Variants in SGSM1 observed in about 807,000 individuals in gnomAD.
The protein encoded by SGSM1 is small G protein signaling modulator 1.
Under a neutral mutation model 133.8 loss-of-function variants are expected in SGSM1, and 73 were observed. That is an observed-to-expected ratio of 0.55 (90% confidence interval 0.45 to 0.66). SGSM1 has a LOEUF of 0.66. Among genes scored for constraint, SGSM1 ranks in the 30% least tolerant of loss-of-function variants. The pLI is 0.00. For missense variants in SGSM1, 1,213 were observed against 1,448.1 expected, an observed-to-expected ratio of 0.84 and a Z score of 2.64; for synonymous variants, 563 against 573.0, an observed-to-expected ratio of 0.98 and a Z score of 0.25.
chr22:24,856,185 C>T, intron 8 of SGSM1: 1 of 330,604 alleles, frequency 3.0e-6, no homozygotes, highest in Non-Finnish European at 6.0e-6. Flanking sequence ...CTGCTATGTG[C>T]TAGGTGCATA....
At chr22:24,822,088 C>CTTTTTT (rs71320790) in intron 2 of SGSM1, among the ~76,000 whole-genome samples, 11 of 96,124 alleles carry the variant, frequency 1.1e-4, no homozygotes, top group East Asian at 3.9e-4. Context: ...TCATCTCTCT[C>CTTTTTT]TTTTTTTTTT....
intron 2 of SGSM1, among the ~76,000 whole-genome samples, chr22:24,830,159 A>G (rs1169057499): frequency 1.3e-5 from 2 of 152,100 alleles, no homozygotes; most frequent in South Asian, 2.1e-4. Context: ...CAGCCTTTTC[A>G]ATTTCATCTC....
intron 9 of SGSM1, among the ~76,000 whole-genome samples, chr22:24,860,334 C>T (rs1232065109): frequency 1.3e-5 from 2 of 152,124 alleles, no homozygotes; most frequent in African/African-American, 4.8e-5. Context: ...GCCTGGGTTC[C>T]AGCCCAATTA....
intron 3 of SGSM1, among the ~76,000 whole-genome samples, chr22:24,845,943 T>TTCTTTCTTTCTTTCTCTCTC (rs1555924231): frequency 3.3e-5 from 1 of 29,938 alleles, no homozygotes; most frequent in African/African-American, 1.1e-4. Flanking sequence ...TTCTTTTCTT[T>TTCTTTCTTTCTTTCTCTCTC]TCTTTCTTTC....
rs751660057 is a variant in SGSM1 at position 24,898,231 on chromosome 22, G to C, written c.2282G>C (p.Ser761Thr). 1.2e-6 allele frequency: 2 copies of C among 1,613,486 alleles called. No individual in the cohort carries two copies. Among genetic ancestry groups the C allele is most frequent in the Admixed American group, 3.3e-5 (2 of 59,990 alleles). ...GATGGCAGCGTGGATGACAGGCAGA[G>C]CAGCGAGGCCACCACATCTCAGGAT... ...PRDGSVDDRQ[S>T]SEATTSQDEA... is the part of the protein sequence containing the mutation. Residue 761 changes from serine to threonine, a missense_variant, in exon 19 of 25, where the codon AGC becomes ACC. Coordinates refer to ENST00000400358, the MANE Select transcript of SGSM1 (RefSeq NM_001098497.3).
chr22:24,917,877 G>GT, intron 23 of SGSM1, 123 bp downstream of exon 23: 1 of 683,858 alleles, frequency 1.5e-6, no homozygotes, highest in Non-Finnish European at 2.5e-6. Flanking sequence ...AGAAGCACAT[G>GT]TTTATGGAGT....
intron 14 of SGSM1, among the ~76,000 whole-genome samples, chr22:24,883,186 G>A (rs1202417907): frequency 6.6e-6 from 1 of 151,986 alleles, no homozygotes; most frequent in African/African-American, 2.4e-5. Flanking sequence ...TTACAGGCAT[G>A]AGCCACCGCG....
intron 24 of SGSM1, among the ~76,000 whole-genome samples, chr22:24,921,703 C>T (rs1160355228): frequency 6.9e-6 from 1 of 145,578 alleles, no homozygotes; most frequent in African/African-American, 2.5e-5. Context: ...ACATATGTAT[C>T]TTTTTTTTTT....
chr22:24,824,005 A>G (rs1175655953), intron 2 of SGSM1, among the ~76,000 whole-genome samples: 2 of 152,216 alleles, frequency 1.3e-5, no homozygotes, highest in Non-Finnish European at 2.9e-5. Flanking sequence ...CAGAGAAGGG[A>G]CAGGATTTAC....
At chr22:24,831,528 G>C (rs756891155) in intron 2 of SGSM1, among the ~76,000 whole-genome samples, 3 of 152,152 alleles carry the variant, frequency 2.0e-5, no homozygotes, top group Non-Finnish European at 4.4e-5. Flanking sequence ...ATGGGATCTG[G>C]GTGGTGCAAG....
Position 24,868,870 on chromosome 22 carries a change from C to A in SGSM1, c.1291+15C>A. 6.2e-7 allele frequency: 1 copy of A among 1,612,102 alleles called. No individual in the cohort carries two copies. Among genetic ancestry groups the A allele is most frequent in the Non-Finnish European group, 8.5e-7 (1 of 1,179,070 alleles). ...GTCGGAATTCGGTGAGCTGCCCTGT[C>A]CCGGGCCCCGGGGAGTCACCTGCTA... On this transcript the variant is annotated intron_variant, in intron 12 of 24. Transcript: ENST00000400358.
chr22:24,874,825 G>T (rs1052245454), intron 12 of SGSM1, among the ~76,000 whole-genome samples: 1 of 152,224 alleles, frequency 6.6e-6, no homozygotes, highest in African/African-American at 2.4e-5. Flanking sequence ...GATGGAGGAA[G>T]GCATGGTTGC....
intron 16 of SGSM1, among the ~76,000 whole-genome samples, chr22:24,890,177 CG>C (rs1460544317): frequency 3.3e-5 from 5 of 151,568 alleles, no homozygotes; most frequent in South Asian, 2.1e-4. Flanking sequence ...AGGATGGTCT[CG>C]ATCTCCTGAC....
rs931225478 is a variant in SGSM1 at position 24,839,935 on chromosome 22, T to C, written c.64-4962T>C. On this transcript the variant is annotated intron_variant, in intron 2 of 24. Transcript: ENST00000400358. ...ATCTTTTGGACAAACCATCTCTCTT[T>C]TTTTTTTTTTTTTTTTTGAGATGAT... Among the ~76,000 whole-genome samples, 80 of 33,044 alleles carry C rather than the reference T, an allele frequency of 2.4e-3. 1 individual carries two copies. The highest frequency in any genetic ancestry group is 3.5e-3 in the Non-Finnish European group (53 of 14,930). The allele number at this position is 33,044 out of a possible 152,430, so 21.7% of individuals were successfully genotyped here. A position where few individuals can be genotyped will look rare whatever the true frequency, so the allele number is the denominator to read the frequency against.
chr22:24,859,587 G>C, intron 8 of SGSM1, 129 bp from the exon 9 acceptor site: 1 of 1,306,708 alleles, frequency 7.7e-7, no homozygotes, highest in Non-Finnish European at 1.1e-6. Flanking sequence ...CTTCCACATG[G>C]CCAGGGCCTT....
chr22:24,826,805 C>T (rs756094223), intron 2 of SGSM1, among the ~76,000 whole-genome samples: 16 of 152,176 alleles, frequency 1.1e-4, no homozygotes, highest in Admixed American at 6.5e-4. Flanking sequence ...TCTTTTCCAG[C>T]CCTCATGGTG....
At chr22:24,855,952 ACCATCTTTACATTCACCCATCCAC>A (rs1202403340) in intron 8 of SGSM1, 12 of 621,896 alleles carry the variant, frequency 1.9e-5, no homozygotes, top group Middle Eastern at 2.5e-4. Flanking sequence ...CATCTATCCA[ACCATCTTTACATTCACCCATCCAC>A]CCATCTTTAC....
chr22:24,835,033 T>C (rs907175789), intron 2 of SGSM1, among the ~76,000 whole-genome samples: 6 of 152,178 alleles, frequency 3.9e-5, no homozygotes, highest in African/African-American at 1.4e-4. Context: ...ACCTGCCTAT[T>C]GCCTCCTCCC....
At chr22:24,895,141 T>G in intron 17 of SGSM1, 82 bp from the exon 18 acceptor site, 1 of 1,392,394 alleles carries the variant, frequency 7.2e-7, no homozygotes, top group African/African-American at 1.4e-5. Context: ...CTAGACTTTC[T>G]GGCTCCCAGC....
Sources: allele counts gnomAD v4.1 joint callset (sites outside exome capture counted in the v4.1 genomes callset), GRCh38; gene constraint gnomAD v4.1.1; transcripts MANE v1.5; gene names NCBI Gene and HGNC (gene_info 2026-07-23, HGNC 2026-07-21).